SH3RF3: variants seen among roughly 807,000 people sequenced by gnomAD.
SH3RF3 encodes the protein E3 ubiquitin-protein ligase SH3RF3.
SH3RF3 carries 29 observed loss-of-function variants against 66.3 expected under a neutral mutation model. The ratio of observed to expected loss-of-function variants is 0.44; its 90% CI spans 0.33 to 0.60. The LOEUF is 0.60. Among genes scored for constraint, SH3RF3 ranks in the 20% least tolerant of loss-of-function variants. SH3RF3 has a pLI of 0.04. For synonymous variants in SH3RF3, 583 were observed against 532.0 expected (o/e 1.10, Z -1.32); for missense variants, 1,194 against 1,190.9 (o/e 1.00, Z -0.04).
chr2:109,466,593 A>G (rs1176017778), intron 8 of SH3RF3, among the ~76,000 whole-genome samples: 1 of 152,044 alleles, frequency 6.6e-6, no homozygotes, highest in Non-Finnish European at 1.5e-5. Flanking sequence ...ATGGAGCCCA[A>G]TTTATTAACT....
Position 109,475,313 on chromosome 2 carries a change from A to G in SH3RF3, c.2149-15292A>G, listed in dbSNP as rs576158707. On this transcript the variant is annotated intron_variant, in intron 8 of 9. Coordinates refer to ENST00000309415, the MANE Select transcript of SH3RF3 (RefSeq NM_001099289.3). The stretch of plus-strand genomic sequence containing the variant: ...TTAAATCTCCGAGGGCTACAGGACT[A>G]TTGTGTCTGCCAAATGGATTCTTCA... Among the ~76,000 whole-genome samples, 8 of 152,302 alleles carry G rather than the reference A, an allele frequency of 5.3e-5. 2 individuals are homozygous for G. Among genetic ancestry groups the G allele is most frequent in the South Asian group, 4.1e-4 (2 of 4,824 alleles).
chr2:109,130,218 C>G (rs985425799), intron 1 of SH3RF3, 105 bp downstream of exon 1: 7 of 1,082,428 alleles, frequency 6.5e-6, no homozygotes, highest in Non-Finnish European at 8.2e-6. Flanking sequence ...CACGGGTGGT[C>G]CTGCGTTGGC....
intron 1 of SH3RF3, among the ~76,000 whole-genome samples, chr2:109,186,274 A>G (rs1208528344): frequency 2.0e-5 from 3 of 152,228 alleles, no homozygotes; most frequent in Non-Finnish European, 4.4e-5. Context: ...GCCCAGATGA[A>G]TTCATGTAAT....
chr2:109,434,036 G>T (rs1677329368), intron 6 of SH3RF3, among the ~76,000 whole-genome samples: 1 of 152,234 alleles, frequency 6.6e-6, no homozygotes, highest in Non-Finnish European at 1.5e-5. Context: ...CATGCCAGTA[G>T]GAACAGGTTG....
intron 9 of SH3RF3, among the ~76,000 whole-genome samples, chr2:109,495,734 C>T (rs1004785665): frequency 6.6e-6 from 1 of 152,042 alleles, no homozygotes; most frequent in African/African-American, 2.4e-5. Context: ...ACAAGTGATC[C>T]GCCCACCTCG....
At chr2:109,485,227 T>C (rs1157604805) in intron 8 of SH3RF3, among the ~76,000 whole-genome samples, 1 of 145,588 alleles carries the variant, frequency 6.9e-6, no homozygotes, top group Non-Finnish European at 1.5e-5. Context: ...GGGAAATCTG[T>C]TTGAAAGAAG....
At chr2:109,147,377 C>T (rs886380153) in intron 1 of SH3RF3, among the ~76,000 whole-genome samples, 2 of 152,124 alleles carry the variant, frequency 1.3e-5, no homozygotes, top group Non-Finnish European at 2.9e-5. Flanking sequence ...CTTGTTGTTG[C>T]TGGGGCCAGA....
At chr2:109,379,578 C>T (rs1184001361) in intron 3 of SH3RF3, among the ~76,000 whole-genome samples, 2 of 152,224 alleles carry the variant, frequency 1.3e-5, no homozygotes, top group Admixed American at 1.3e-4. Flanking sequence ...TGCCAGGGAA[C>T]GCTGGGGAAG....
intron 1 of SH3RF3, among the ~76,000 whole-genome samples, chr2:109,196,852 A>C (rs1211453835): frequency 6.6e-6 from 1 of 152,192 alleles, no homozygotes; most frequent in Non-Finnish European, 1.5e-5. Context: ...TCCTGCCAAG[A>C]GACAGAGGTG....
At chr2:109,399,065 G>T in intron 4 of SH3RF3, 122 bp downstream of exon 4, 1 of 1,150,320 alleles carries the variant, frequency 8.7e-7, no homozygotes, top group South Asian at 1.5e-5. Context: ...GCCTTTTGGG[G>T]TTGAGTGGGG....
chr2:109,417,319 C>T (rs532959625), intron 4 of SH3RF3, among the ~76,000 whole-genome samples: 8 of 152,278 alleles, frequency 5.3e-5, no homozygotes, highest in South Asian at 4.2e-4. Context: ...TGATCCAGAC[C>T]GGCTCTGGGG....
At position 109,129,968 on chromosome 2, in the gene SH3RF3, A is replaced by G. The variant is rs1317438549; in HGVS notation, c.428A>G (p.Gln143Arg). 1 of 1,408,928 alleles carries G rather than the reference A, an allele frequency of 7.1e-7. No homozygotes were observed. Among genetic ancestry groups the G allele is most frequent in the Non-Finnish European group, 9.2e-7 (1 of 1,089,616 alleles). The allele number at this position is 1,408,928 out of a possible 1,614,324, so 87.3% of individuals were successfully genotyped here. ...CCGCCCGCGCGTCCCATCCCAGGCC[A>G]GAGTGCGGCCCCCACGCTCGCGGGC... ...GSPPARPIPG[Q>R]SAAPTLAGGG... The change falls in exon 1 of 10, where the codon CAG becomes CGG. Residue 143 changes from glutamine to arginine, a missense_variant. Gln to Arg is a conservative substitution (Grantham distance 43, BLOSUM62 1). Coordinates refer to ENST00000309415, the MANE Select transcript of SH3RF3 (RefSeq NM_001099289.3).
chr2:109,151,174 A>G (rs955310393), intron 1 of SH3RF3, among the ~76,000 whole-genome samples: 1 of 152,208 alleles, frequency 6.6e-6, no homozygotes, highest in African/African-American at 2.4e-5. Flanking sequence ...ACAAAGTGCA[A>G]TGAATATATT....
At chr2:109,213,963 T>C (rs889489104) in intron 1 of SH3RF3, among the ~76,000 whole-genome samples, 1 of 152,076 alleles carries the variant, frequency 6.6e-6, no homozygotes, top group African/African-American at 2.4e-5. Context: ...CCTGGAGCAG[T>C]CCCTGCAAAA....
intron 1 of SH3RF3, among the ~76,000 whole-genome samples, chr2:109,212,362 G>A (rs926263195): frequency 2.6e-5 from 4 of 152,226 alleles, no homozygotes; most frequent in Admixed American, 2.0e-4. Context: ...GTAGGGGACT[G>A]CTTTGGCTGG....
At chr2:109,425,735 GCCAGTGTA>G (rs1265019399) in intron 5 of SH3RF3, among the ~76,000 whole-genome samples, 3 of 152,122 alleles carry the variant, frequency 2.0e-5, no homozygotes, top group Admixed American at 2.0e-4. Context: ...ACTGCTCATT[GCCAGTGTA>G]CTTGGTTATT....
chr2:109,249,647 C>CTCTT (rs749986705), intron 1 of SH3RF3, among the ~76,000 whole-genome samples: 101 of 130,864 alleles, frequency 7.7e-4, no homozygotes, highest in Middle Eastern at 7.8e-3. Flanking sequence ...CTCTGTTTCT[C>CTCTT]TCTTTCTTTC....
intron 1 of SH3RF3, among the ~76,000 whole-genome samples, chr2:109,153,556 G>A (rs1214746092): frequency 7.9e-5 from 12 of 152,184 alleles, no homozygotes. Context: ...CCTTATCACC[G>A]GGTCACCTGC....
intron 6 of SH3RF3, among the ~76,000 whole-genome samples, chr2:109,436,289 G>C (rs1047156387): frequency 4.6e-5 from 7 of 152,206 alleles, no homozygotes; most frequent in African/African-American, 1.7e-4. Flanking sequence ...AATACACAGA[G>C]GGAAAGCGTG....
Sources: allele counts gnomAD v4.1 joint callset (sites outside exome capture counted in the v4.1 genomes callset), GRCh38; gene constraint gnomAD v4.1.1; transcripts MANE v1.5; gene names NCBI Gene and HGNC (gene_info 2026-07-23, HGNC 2026-07-21).